DOK6: variants seen among roughly 807,000 people sequenced by gnomAD.
DOK6 encodes the protein docking protein 6.
In DOK6, 22 loss-of-function variants were observed where a neutral mutation model predicts 44.0. The observed-to-expected ratio is 0.50, with a 90% CI of 0.36 to 0.71. The LOEUF (loss-of-function observed/expected upper bound fraction) is 0.71, where lower values mean the gene tolerates loss of function less well. DOK6 is among the 30% of genes least tolerant of loss of function. The pLI, the probability that DOK6 is intolerant of heterozygous loss-of-function variation, is 0.00. For missense variants in DOK6, 340 were observed against 416.4 expected (o/e 0.82, Z 1.60); for synonymous variants, 166 against 145.5 (o/e 1.14, Z -1.01).
chr18:69,670,135 G>A (rs949167346), intron 3 of DOK6, among the ~76,000 whole-genome samples: 2 of 151,864 alleles, frequency 1.3e-5, no homozygotes, highest in African/African-American at 4.8e-5. Context: ...CTTTCAGGAG[G>A]CTCTGGAATA....
At chr18:69,563,540 C>T (rs933208091) in intron 1 of DOK6, among the ~76,000 whole-genome samples, 3 of 150,404 alleles carry the variant, frequency 2.0e-5, no homozygotes, top group African/African-American at 4.9e-5. Flanking sequence ...TCTCAGCAAA[C>T]TATCACAAGG....
intron 3 of DOK6, among the ~76,000 whole-genome samples, chr18:69,657,488 T>C (rs1157807595): frequency 2.0e-5 from 3 of 152,216 alleles, no homozygotes; most frequent in Admixed American, 1.3e-4. Flanking sequence ...CATTTTGTTA[T>C]AGGAATCCTC....
At chr18:69,539,704 T>C (rs1409298561) in intron 1 of DOK6, among the ~76,000 whole-genome samples, 31 of 152,202 alleles carry the variant, frequency 2.0e-4, no homozygotes, top group Admixed American at 1.8e-3. Flanking sequence ...GGTTTTGCTA[T>C]ATGAACAATT....
chr18:69,556,195 C>G (rs1982681141), intron 1 of DOK6, among the ~76,000 whole-genome samples: 1 of 152,166 alleles, frequency 6.6e-6, no homozygotes, highest in Admixed American at 6.5e-5. Context: ...TGGCTTGTCC[C>G]TGTCTCTCTC....
intron 7 of DOK6, among the ~76,000 whole-genome samples, chr18:69,765,616 A>T (rs1400821530): frequency 6.6e-6 from 1 of 152,148 alleles, no homozygotes. Context: ...TGCTTATTCC[A>T]CTGGATTATG....
chr18:69,545,306 G>A (rs1454190514), intron 1 of DOK6, among the ~76,000 whole-genome samples: 1 of 150,062 alleles, frequency 6.7e-6, no homozygotes, highest in Admixed American at 6.7e-5. Context: ...CCTTCTGCTT[G>A]GGGTACTGCT....
intron 3 of DOK6, among the ~76,000 whole-genome samples, chr18:69,636,186 G>A (rs1420253541): frequency 6.6e-6 from 1 of 152,192 alleles, no homozygotes; most frequent in Non-Finnish European, 1.5e-5. Flanking sequence ...CTGATTATTG[G>A]ACCATGGGGT....
intron 4 of DOK6, among the ~76,000 whole-genome samples, chr18:69,691,898 G>T: frequency 6.6e-6 from 1 of 152,194 alleles, no homozygotes; most frequent in East Asian, 1.9e-4. Context: ...TGAGGTGTTG[G>T]GATGGTTTTT....
At chr18:69,582,767 A>G (rs1000054808) in intron 2 of DOK6, among the ~76,000 whole-genome samples, 1 of 152,136 alleles carries the variant, frequency 6.6e-6, no homozygotes, top group Non-Finnish European at 1.5e-5. Flanking sequence ...GATTTCTTGT[A>G]CACTTACTGC....
chr18:69,730,624 C>T lies in DOK6; in HGVS notation c.600-8341C>T, dbSNP rs182264741. ...TCGATGAAGATTGTTTTAAGAAATA[C>T]AATCTAATGTGTTAAAATGAAGTTA... On this transcript the variant is annotated intron_variant, in intron 5 of 7. Coordinates refer to ENST00000382713, the MANE Select transcript of DOK6 (RefSeq NM_152721.6). Among the ~76,000 whole-genome samples the T allele has an allele frequency of 2.0e-3, 297 of 152,120 alleles. 1 individual carries two copies. Among genetic ancestry groups the T allele is most frequent in the African/African-American group, 6.6e-3 (273 of 41,448 alleles).
At chr18:69,572,497 A>G (rs1250685919) in intron 2 of DOK6, among the ~76,000 whole-genome samples, 3 of 152,126 alleles carry the variant, frequency 2.0e-5, no homozygotes, top group African/African-American at 7.2e-5. Flanking sequence ...GGCTGAGGTG[A>G]GGGAAATGTC....
At chr18:69,572,392 A>C (rs1266380189) in intron 2 of DOK6, among the ~76,000 whole-genome samples, 15 of 152,094 alleles carry the variant, frequency 9.9e-5, no homozygotes, top group Admixed American at 8.5e-4. Flanking sequence ...CTTTGGGTAA[A>C]AATCATAAGC....
intron 6 of DOK6, among the ~76,000 whole-genome samples, chr18:69,742,412 C>A: frequency 2.6e-5 from 2 of 75,988 alleles, no homozygotes; most frequent in Non-Finnish European, 3.7e-5. Flanking sequence ...GAAACTCCAT[C>A]TCAAAAAAAA....
intron 5 of DOK6, among the ~76,000 whole-genome samples, chr18:69,706,982 C>A (rs1986650194): frequency 6.6e-6 from 1 of 151,838 alleles, no homozygotes. Flanking sequence ...GTGAATAGTG[C>A]TGCAATAAAC....
At chr18:69,761,205 A>C (rs1051346187) in intron 7 of DOK6, among the ~76,000 whole-genome samples, 9 of 136,836 alleles carry the variant, frequency 6.6e-5, no homozygotes, top group African/African-American at 2.0e-4. Context: ...CTATCTATTA[A>C]GAGCCTGCCT....
At chr18:69,792,074 T>G (rs1980617408) in intron 7 of DOK6, among the ~76,000 whole-genome samples, 1 of 152,122 alleles carries the variant, frequency 6.6e-6, no homozygotes, top group Admixed American at 6.6e-5. Flanking sequence ...ATGTATGAAT[T>G]TATTTATGGG....
At chr18:69,419,163 A>G (rs899739816) in intron 1 of DOK6, among the ~76,000 whole-genome samples, 2 of 152,262 alleles carry the variant, frequency 1.3e-5, no homozygotes, top group South Asian at 4.2e-4. Flanking sequence ...TCTTGACTAA[A>G]TTTTAGAAGA....
At chr18:69,589,044 A>G (rs774371277) in intron 2 of DOK6, among the ~76,000 whole-genome samples, 6 of 152,102 alleles carry the variant, frequency 3.9e-5, no homozygotes, top group Non-Finnish European at 8.8e-5. Flanking sequence ...GGAGGCAAAT[A>G]TAAGGAAGCA....
chr18:69,523,013 G>C (rs1981730613), intron 1 of DOK6, among the ~76,000 whole-genome samples: 1 of 152,092 alleles, frequency 6.6e-6, no homozygotes, highest in South Asian at 2.1e-4. Flanking sequence ...AAGACAAAGA[G>C]AAGCTGGGAA....
Sources: allele counts gnomAD v4.1 joint callset (sites outside exome capture counted in the v4.1 genomes callset), GRCh38; gene constraint gnomAD v4.1.1; transcripts MANE v1.5; gene names NCBI Gene and HGNC (gene_info 2026-07-23, HGNC 2026-07-21).